GNG7: variants seen among roughly 807,000 people sequenced by gnomAD.
GNG7 encodes guanine nucleotide-binding protein G(I)/G(S)/G(O) subunit gamma-7.
Under a neutral mutation model 4.0 loss-of-function variants are expected in GNG7, and 1 was observed. The ratio of observed to expected loss-of-function variants is 0.25; its 90% CI spans 0.09 to 1.18. The LOEUF (loss-of-function observed/expected upper bound fraction) is 1.18, where lower values mean the gene tolerates loss of function less well. GNG7 is among the 50% of genes most tolerant of loss of function. GNG7 has a pLI of 0.50. For missense variants in GNG7, 86 were observed against 91.9 expected, an observed-to-expected ratio of 0.94 and a Z score of 0.26; for synonymous variants, 34 against 36.9, an observed-to-expected ratio of 0.92 and a Z score of 0.29.
At chr19:2,548,172 T>C (rs1220813316) in intron 3 of GNG7, among the ~76,000 whole-genome samples, 3 of 146,948 alleles carry the variant, frequency 2.0e-5, no homozygotes, top group African/African-American at 7.6e-5. Flanking sequence ...ATGTTAACAA[T>C]GGAAAACAAA....
At position 2,513,065 on chromosome 19, in the gene GNG7, G is replaced by A. The variant is rs962866396; in HGVS notation, c.*1957C>T. 9.0e-5 allele frequency: 89 copies of A among 985,440 alleles called. No homozygotes were observed. The highest frequency in any genetic ancestry group is 1.0e-4 in the Non-Finnish European group (84 of 830,068). The allele number at this position is 985,440 out of a possible 1,614,324, so 61.0% of individuals were successfully genotyped here. A position where few individuals can be genotyped will look rare whatever the true frequency, so the allele number is the denominator to read the frequency against. On this transcript the variant is annotated 3_prime_UTR_variant, in exon 5 of 5. Transcript: ENST00000382159. ...CCGTAGAGAGCTGGGTGCCGGGGGTGGGGAGCCCGGCTGTGGCCTGTGGGA... is the reference window on the plus strand; with the variant it reads ...CCGTAGAGAGCTGGGTGCCGGGGGTAGGGAGCCCGGCTGTGGCCTGTGGGA...
chr19:2,658,633 G>A (rs1411481414), intron 1 of GNG7, among the ~76,000 whole-genome samples: 1 of 152,082 alleles, frequency 6.6e-6, no homozygotes, highest in Non-Finnish European at 1.5e-5. Context: ...GAACTTTGAG[G>A]GCATCACGCC....
rs564914185 is a variant in GNG7 at position 2,521,528 on chromosome 19, G to A, written c.-37-803C>T. ...ACGGCCCCACGCCAGGGAAGGATCC[G>A]AACGCGATATCCATAGTACCCAGGG... is the stretch of plus-strand genomic sequence containing the variant. On this transcript the variant is annotated intron_variant, in intron 3 of 4. Coordinates refer to ENST00000382159, the MANE Select transcript of GNG7 (RefSeq NM_052847.3). Among the ~76,000 whole-genome samples the A allele has an allele frequency of 1.1e-4, 16 of 151,580 alleles. No homozygotes were observed. In the South Asian group the frequency reaches 3.1e-3, roughly 30 times the overall value.
At chr19:2,569,205 G>C (rs1306096567) in intron 2 of GNG7, among the ~76,000 whole-genome samples, 1 of 152,184 alleles carries the variant, frequency 6.6e-6, no homozygotes, top group African/African-American at 2.4e-5. Context: ...GTTCCACAAA[G>C]GGTGCAGCAT....
At chr19:2,578,430 C>G (rs2144788598) in intron 2 of GNG7, among the ~76,000 whole-genome samples, 1 of 152,274 alleles carries the variant, frequency 6.6e-6, no homozygotes, top group Non-Finnish European at 1.5e-5. Context: ...TGCTCCGATC[C>G]TTTGTGGAAT....
rs984235385 is a variant in GNG7 at position 2,546,093 on chromosome 19, C to T, written c.-38+9056G>A. On this transcript the variant is annotated intron_variant, in intron 3 of 4. Transcript: ENST00000382159. This position sits in a 1 kb window ranked among gnomAD's most constrained non-coding sequence, Gnocchi z 6.3. Reference sequence around the variant, plus strand: ...GATGTGTCCCCTGGCAGCTGGGATGCAGGCCCCCCACGGCCTGCCATGTTC... The same window carrying T: ...GATGTGTCCCCTGGCAGCTGGGATGTAGGCCCCCCACGGCCTGCCATGTTC... Among the ~76,000 whole-genome samples, 1 of 152,234 alleles carries T rather than the reference C, an allele frequency of 6.6e-6. No individual in the cohort carries two copies. The highest frequency in any genetic ancestry group is 2.4e-5 in the African/African-American group (1 of 41,468).
chr19:2,550,808 A>G (rs771563342), intron 3 of GNG7, among the ~76,000 whole-genome samples: 1 of 152,172 alleles, frequency 6.6e-6, no homozygotes, highest in Non-Finnish European at 1.5e-5. Context: ...TAGGAGAACT[A>G]AAGGAATTGG....
At chr19:2,593,373 T>C (rs1447188184) in intron 2 of GNG7, among the ~76,000 whole-genome samples, 4 of 152,192 alleles carry the variant, frequency 2.6e-5, no homozygotes, top group Admixed American at 2.0e-4. Flanking sequence ...AGAAATAGTA[T>C]TGAGTCAATT....
At chr19:2,621,925 C>T (rs566640062) in intron 2 of GNG7, among the ~76,000 whole-genome samples, 5 of 152,118 alleles carry the variant, frequency 3.3e-5, no homozygotes, top group African/African-American at 7.2e-5. Context: ...AGAGGACACA[C>T]GTCTGCGGAT....
intron 1 of GNG7, among the ~76,000 whole-genome samples, chr19:2,684,015 T>C (rs2144902426): frequency 6.6e-6 from 1 of 152,212 alleles, no homozygotes; most frequent in South Asian, 2.1e-4. Flanking sequence ...CCAGCAAGTC[T>C]ATGGGTTTAA....
In GNG7 at chr19:2,512,353, GA is replaced by G. The variant is rs374316822; in HGVS notation, c.*2668del. 6.3e-5 allele frequency: 53 copies of G among 844,738 alleles called. No individual in the cohort carries two copies. The highest frequency in any genetic ancestry group is 2.4e-4 in the East Asian group (2 of 8,196). 52.3% of individuals were successfully genotyped at this position (844,738 alleles called of 1,614,324 possible). On this transcript the variant is annotated 3_prime_UTR_variant, in exon 5 of 5. Transcript: ENST00000382159. The surrounding 1 kb of genome is among the most constrained non-coding windows in gnomAD (Gnocchi z 4.7). Reference sequence around the variant, plus strand: ...AGTGTGGTCACTGAAGTCTACTCAAGAAAAAAAAAAGTGGAGAATTTTTTTT... The same window carrying G: ...AGTGTGGTCACTGAAGTCTACTCAAGAAAAAAAAAGTGGAGAATTTTTTTT...
At position 2,589,245 on chromosome 19, in the gene GNG7, T is replaced by C. The variant is rs193299597; in HGVS notation, c.-77-34057A>G. ...GCCCGGCCGTCTCTTTCTTCTAAGA[T>C]GGAGTCTCCCTCCGTGGCCCAGGCT... On this transcript the variant is annotated intron_variant, in intron 2 of 4. Transcript: ENST00000382159. 2.5e-3 allele frequency among the ~76,000 whole-genome samples: 386 copies of C among 151,726 alleles called. 1 individual carries two copies. Among genetic ancestry groups the C allele is most frequent in the African/African-American group, 8.9e-3 (368 of 41,338 alleles).
chr19:2,661,290 GAAAGAAAGAAAGA>G (rs1568277743), intron 1 of GNG7, among the ~76,000 whole-genome samples: 1,283 of 47,606 alleles, frequency 0.027, 60 homozygotes, highest in Middle Eastern at 0.056. Context: ...AAGAAAGAAA[GAAAGAAAGAAAGA>G]GAAAGAAAGA....
chr19:2,607,741 C>A (rs1384841056), intron 2 of GNG7, among the ~76,000 whole-genome samples: 2 of 152,140 alleles, frequency 1.3e-5, no homozygotes, highest in African/African-American at 4.8e-5. Flanking sequence ...GCCCTCCGCC[C>A]CCCGCCCCTC....
In GNG7 at chr19:2,567,330, T is replaced by TG. The variant is rs1485474505; in HGVS notation, c.-77-12143_-77-12142insC. On this transcript the variant is annotated intron_variant, in intron 2 of 4. Transcript: ENST00000382159. Reference sequence around the variant, plus strand: ...TTTATTTCTTCTCAGTTGTCGTCGATTTGTGTGTGTGTGTGTGTGTGACAT... The same window carrying TG: ...TTTATTTCTTCTCAGTTGTCGTCGATGTTGTGTGTGTGTGTGTGTGTGACAT... 1.9e-4 allele frequency among the ~76,000 whole-genome samples: 25 copies of TG among 134,310 alleles called. 1 individual carries two copies. Among genetic ancestry groups the TG allele is most frequent in the African/African-American group, 4.2e-4 (15 of 36,030 alleles). The allele number at this position is 134,310 out of a possible 152,430, so 88.1% of individuals were successfully genotyped here. A position where few individuals can be genotyped will look rare whatever the true frequency, so the allele number is the denominator to read the frequency against.
At chr19:2,665,247 G>A (rs1005286901) in intron 1 of GNG7, among the ~76,000 whole-genome samples, 9 of 151,992 alleles carry the variant, frequency 5.9e-5, no homozygotes, top group East Asian at 1.9e-4. Flanking sequence ...GGATGGAGCC[G>A]TCCTGAGCAC....
At chr19:2,694,419 C>T (rs1477092496) in intron 1 of GNG7, among the ~76,000 whole-genome samples, 3 of 152,008 alleles carry the variant, frequency 2.0e-5, no homozygotes, top group Admixed American at 6.5e-5. Context: ...ATGCTCCTGG[C>T]GTGGAGTGGG....
intron 3 of GNG7, among the ~76,000 whole-genome samples, chr19:2,543,803 G>A (rs1012673147): frequency 2.0e-5 from 3 of 152,156 alleles, no homozygotes; most frequent in Admixed American, 1.3e-4. Context: ...CTTGTGTGGC[G>A]CGGCGTGCCG....
At position 2,671,334 on chromosome 19, in the gene GNG7, C is replaced by T. The variant is rs540001248; in HGVS notation, c.-134-25054G>A. On this transcript the variant is annotated intron_variant, in intron 1 of 4. Transcript: ENST00000382159. The stretch of plus-strand genomic sequence containing the variant: ...GTTGCAGGAAGGCCGAGGACCACCC[C>T]GGATCCCCCTGGACACCGGTGGCTC... Among the ~76,000 whole-genome samples the T allele has an allele frequency of 3.9e-5, 6 of 152,218 alleles. No individual in the cohort carries two copies. In the South Asian group the frequency reaches 8.3e-4, roughly 21 times the overall value.
Sources: allele counts gnomAD v4.1 joint callset (sites outside exome capture counted in the v4.1 genomes callset), GRCh38; gene constraint gnomAD v4.1.1; non-coding constraint Gnocchi (gnomAD v3.1); transcripts MANE v1.5; gene names NCBI Gene and HGNC (gene_info 2026-07-23, HGNC 2026-07-21).